The following CUX2 variants were observed in gnomAD, a reference collection of about 807,000 sequenced individuals.
CUX2 encodes cut like homeobox 2, also known as homeobox protein cut-like 2.
A neutral mutation model predicts 144.8 loss-of-function variants in CUX2; 40 were observed. That is an observed-to-expected ratio of 0.28 (90% CI 0.21 to 0.36). The LOEUF is 0.36. Ranked by LOEUF, CUX2 falls within the 10% of genes least tolerant of loss-of-function variation. The probability of loss-of-function intolerance (pLI) is 1.00; values close to 1 mark genes in which losing one functional copy is unlikely to be tolerated. For synonymous variants in CUX2, 827 were observed against 875.6 expected, an observed-to-expected ratio of 0.94 and a Z score of 0.98; for missense variants, 1,615 against 1,994.0, an observed-to-expected ratio of 0.81 and a Z score of 3.62.
At position 111,263,979 on chromosome 12, in the gene CUX2, G is replaced by C; in HGVS notation, c.301+140G>C. ...GGCCAGGCACTCTGTATAGGGCAGG[G>C]GGAGCTGTGGCCAGTCTGGTGTGAC... On this transcript the variant is annotated intron_variant, in intron 4 of 21. Coordinates refer to ENST00000261726, the MANE Select transcript of CUX2 (RefSeq NM_015267.4). The surrounding 1 kb of genome is among the most constrained non-coding windows in gnomAD (Gnocchi z 4.0). 1.4e-6 allele frequency: 1 copy of C among 737,664 alleles called. No individual in the cohort carries two copies. 45.7% of individuals were successfully genotyped at this position (737,664 alleles called of 1,614,324 possible).
chr12:111,101,822 G>T (rs773770057), intron 1 of CUX2, among the ~76,000 whole-genome samples: 4 of 152,162 alleles, frequency 2.6e-5, no homozygotes, highest in Non-Finnish European at 5.9e-5. Flanking sequence ...GGTTCGGTGT[G>T]TCCTAGCTAT....
Position 111,322,561 on chromosome 12 carries a change from G to C in CUX2, c.2907G>C (p.Gln969His). 6.2e-7 allele frequency: 1 copy of C among 1,609,280 alleles called. No individual in the cohort carries two copies. Among genetic ancestry groups the C allele is most frequent in the Non-Finnish European group, 8.5e-7 (1 of 1,179,636 alleles). Residue 969 changes from glutamine (Q) to histidine (H), a missense_variant, in exon 18 of 22, where the codon CAG (glutamine) becomes CAC (histidine). Coordinates refer to ENST00000261726, the MANE Select transcript of CUX2 (RefSeq NM_015267.4). This position sits in a 1 kb window ranked among gnomAD's most constrained non-coding sequence, Gnocchi z 4.2. ...ACCAGCTCGGCCAGGCAGTGGGCCA[G>C]CAGCCTGGTGCCTCCCAGGGTGAGT... ...LSDQLGQAVG[Q>H]QPGASQASPT...
chr12:111,299,186 T>C (rs957922538), intron 9 of CUX2, among the ~76,000 whole-genome samples: 16 of 152,222 alleles, frequency 1.1e-4, no homozygotes, highest in African/African-American at 3.9e-4. Flanking sequence ...GTCCCTTGGC[T>C]CATCTTCCTG....
rs560916491 is a variant in CUX2, at chr12:111,061,014, G to A, written c.63+26774G>A. 5.3e-5 allele frequency among the ~76,000 whole-genome samples: 8 copies of A among 152,304 alleles called. No homozygotes were observed. The East Asian group carries it at 1.5e-3, about 29-fold the overall frequency. On this transcript the variant is annotated intron_variant, in intron 1 of 21. Transcript: ENST00000261726. This position sits in a 1 kb window ranked among gnomAD's most constrained non-coding sequence, Gnocchi z 4.2. ...AAGCAGTGACACCTGCCACCTCCCA[G>A]CCTTGGGATGCCAGGACCTCCAGCT...
chr12:111,322,644 C>A lies in CUX2; in HGVS notation c.2926+64C>A. 1.3e-6 allele frequency: 2 copies of A among 1,562,488 alleles called. No individual in the cohort carries two copies. Among genetic ancestry groups the A allele is most frequent in the South Asian group, 1.2e-5 (1 of 86,338 alleles). ...ACTTCCCACCTGCGCAGTGGCATGT[C>A]CGCCTGGCTTTACTGCCCGAGTCTA... On this transcript the variant is annotated intron_variant, in intron 18 of 21. Coordinates refer to ENST00000261726, the MANE Select transcript of CUX2 (RefSeq NM_015267.4). The surrounding 1 kb of genome is among the most constrained non-coding windows in gnomAD (Gnocchi z 4.2).
Position 111,304,418 on chromosome 12 carries a change from T to C in CUX2, c.858+104T>C, listed in dbSNP as rs1362006. ...GTGGGTGACACTTTGTGGTTGATTG[T>C]GTGCATCCATTTGAAACTGGGAGTG... is the stretch of plus-strand genomic sequence containing the variant. On this transcript the variant is annotated intron_variant, in intron 10 of 21. Coordinates refer to ENST00000261726, the MANE Select transcript of CUX2 (RefSeq NM_015267.4). This position sits in a 1 kb window ranked among gnomAD's most constrained non-coding sequence, Gnocchi z 4.7. The C allele has an allele frequency of 0.33, 298,965 of 895,702 alleles. 67,841 individuals are homozygous for C. The highest frequency in any genetic ancestry group is 0.91 in the East Asian group (34,095 of 37,614). 55.5% of individuals were successfully genotyped at this position (895,702 alleles called of 1,614,324 possible).
At chr12:111,170,051 T>C (rs1367481253) in intron 1 of CUX2, among the ~76,000 whole-genome samples, 1 of 152,154 alleles carries the variant, frequency 6.6e-6, no homozygotes, top group Non-Finnish European at 1.5e-5. Flanking sequence ...GGAAACTGCC[T>C]CCAAGAATTG....
intron 8 of CUX2, among the ~76,000 whole-genome samples, 188 bp from the exon 9 acceptor site, chr12:111,298,353 G>A (rs921683068): frequency 6.6e-6 from 1 of 152,180 alleles, no homozygotes; most frequent in South Asian, 2.1e-4. Flanking sequence ...GTCCTGAAGA[G>A]GTGCAGTGCT....
chr12:111,292,968 C>A (rs972537326), intron 5 of CUX2, among the ~76,000 whole-genome samples: 1 of 151,946 alleles, frequency 6.6e-6, no homozygotes, highest in African/African-American at 2.4e-5. Flanking sequence ...ACTAAACATA[C>A]AAAAATTAGC....
intron 19 of CUX2, among the ~76,000 whole-genome samples, chr12:111,336,424 T>G (rs1413946747): frequency 6.8e-6 from 1 of 146,026 alleles, no homozygotes; most frequent in Non-Finnish European, 1.5e-5. Context: ...CACTTCAGTG[T>G]TGTGTGTGTG....
At chr12:111,324,675 T>C (rs1425862640) in intron 18 of CUX2, among the ~76,000 whole-genome samples, 7 of 151,832 alleles carry the variant, frequency 4.6e-5, no homozygotes, top group Non-Finnish European at 2.9e-5. Context: ...TAATTTTGTA[T>C]TGTTAGTAGA....
intron 1 of CUX2, among the ~76,000 whole-genome samples, chr12:111,158,011 T>C (rs1877508102): frequency 6.6e-6 from 1 of 152,032 alleles, no homozygotes; most frequent in African/African-American, 2.4e-5. Context: ...GATGTAAAAA[T>C]TAAACCAAAT....
At chr12:111,050,169 C>G (rs933567728) in intron 1 of CUX2, among the ~76,000 whole-genome samples, 1 of 151,982 alleles carries the variant, frequency 6.6e-6, no homozygotes, top group African/African-American at 2.4e-5. Flanking sequence ...CCACAGAGCC[C>G]CCTCTTGGCC....
chr12:111,160,334 GC>G lies in CUX2; in HGVS notation c.64-53864del, dbSNP rs1877672163. Among the ~76,000 whole-genome samples the G allele has an allele frequency of 1.3e-5, 2 of 152,310 alleles. No individual in the cohort carries two copies. Among genetic ancestry groups the G allele is most frequent in the South Asian group, 4.1e-4 (2 of 4,824 alleles). On this transcript the variant is annotated intron_variant, in intron 1 of 21. Transcript: ENST00000261726. The surrounding 1 kb of genome is among the most constrained non-coding windows in gnomAD (Gnocchi z 4.1). Reference sequence around the variant, plus strand: ...GACCAGTCAGAGATAGGTGTGTCTGGCCTGTGTGTGCAGGGTGCGTGTCAGA... The same window carrying G: ...GACCAGTCAGAGATAGGTGTGTCTGGCTGTGTGTGCAGGGTGCGTGTCAGA...
intron 18 of CUX2, among the ~76,000 whole-genome samples, chr12:111,332,206 C>T (rs1468837951): frequency 2.3e-5 from 3 of 132,332 alleles, no homozygotes; most frequent in African/African-American, 5.8e-5. Context: ...GATCTCGGCT[C>T]TCTGCGAGCT....
intron 1 of CUX2, among the ~76,000 whole-genome samples, chr12:111,132,045 T>C (rs1360364234): frequency 2.0e-5 from 3 of 152,212 alleles, no homozygotes; most frequent in Non-Finnish European, 4.4e-5. Flanking sequence ...GCAAACGTTC[T>C]CCATGAGGGC....
chr12:111,175,317 T>A (rs1401341660), intron 1 of CUX2, among the ~76,000 whole-genome samples: 2 of 149,810 alleles, frequency 1.3e-5, no homozygotes, highest in Non-Finnish European at 2.9e-5. Flanking sequence ...AGGTTTTTTT[T>A]ACCAACCCCC....
At chr12:111,142,529 GAAA>G (rs200266878) in intron 1 of CUX2, among the ~76,000 whole-genome samples, 9,241 of 107,186 alleles carry the variant, frequency 0.086, 1,009 homozygotes, top group African/African-American at 0.25. Flanking sequence ...GTCAGGGAAG[GAAA>G]AAAAAAAAAA....
intron 1 of CUX2, among the ~76,000 whole-genome samples, chr12:111,114,713 T>C (rs1236497142): frequency 6.6e-6 from 1 of 152,230 alleles, no homozygotes; most frequent in Non-Finnish European, 1.5e-5. Flanking sequence ...ATACACCTTC[T>C]CTCATATCTG....
Sources: gnomAD v4.1 joint callset for allele counts (sites outside exome capture counted in the v4.1 genomes callset) on GRCh38, gnomAD v4.1.1 for gene constraint, Gnocchi (gnomAD v3.1) non-coding constraint, MANE v1.5 for transcripts, NCBI Gene and HGNC (gene_info 2026-07-23, HGNC 2026-07-21) for gene names.